Variants in KBTBD11 observed in about 807,000 individuals in gnomAD.
KBTBD11 encodes kelch repeat and BTB domain-containing protein 11.
For synonymous variants in KBTBD11, 747 were observed against 499.0 expected, an observed-to-expected ratio of 1.50 and a Z score of -6.63; for missense variants, 1,390 against 1,001.8, an observed-to-expected ratio of 1.39 and a Z score of -5.23.
rs1407537671 is a variant in KBTBD11, at chr8:2,004,005, A to T, written c.*941A>T. 6.0e-6 allele frequency: 1 copy of T among 166,486 alleles called. No homozygotes were observed. Among genetic ancestry groups the T allele is most frequent in the African/African-American group, 2.4e-5 (1 of 41,216 alleles). 10.3% of individuals were successfully genotyped at this position (166,486 alleles called of 1,614,324 possible). ...AATCATTTTGCTTTGACAGTTCTAT[A>T]AAAAAAAGTGTAGGCACATTTTAAA... On this transcript the variant is annotated 3_prime_UTR_variant, in exon 2 of 2. Transcript: ENST00000320248.
chr8:1,998,004 T>A (rs1817207992), intron 1 of KBTBD11, among the ~76,000 whole-genome samples: 1 of 152,230 alleles, frequency 6.6e-6, no homozygotes, highest in Non-Finnish European at 1.5e-5. Context: ...TGATTGAGTT[T>A]CATTATTTCT....
chr8:2,004,261 G>A lies in KBTBD11; in HGVS notation c.*1197G>A, dbSNP rs960400004. On this transcript the variant is annotated 3_prime_UTR_variant, in exon 2 of 2. Coordinates refer to ENST00000320248, the MANE Select transcript of KBTBD11 (RefSeq NM_014867.3). Reference sequence around the variant, plus strand: ...ACACGAGGCTCACTGCATTGACAGGGTATGAGGATTAAAAACAAATCAGTT... The same window carrying A: ...ACACGAGGCTCACTGCATTGACAGGATATGAGGATTAAAAACAAATCAGTT... 1 of 166,916 alleles carries A rather than the reference G, an allele frequency of 6.0e-6. No homozygotes were observed. Among genetic ancestry groups the A allele is most frequent in the Non-Finnish European group, 1.5e-5 (1 of 68,122 alleles). 10.3% of individuals were successfully genotyped at this position (166,916 alleles called of 1,614,324 possible). A position where few individuals can be genotyped will look rare whatever the true frequency, so the allele number is the denominator to read the frequency against.
intron 1 of KBTBD11, chr8:1,974,866 G>T: frequency 8.2e-6 from 2 of 245,184 alleles, no homozygotes; most frequent in Non-Finnish European, 1.3e-5. Context: ...AGTGCAGCGA[G>T]CTTTATTCTA....
intron 1 of KBTBD11, among the ~76,000 whole-genome samples, chr8:1,992,287 C>T (rs1816948149): frequency 6.6e-6 from 1 of 152,102 alleles, no homozygotes. Context: ...TGTGTGGTAA[C>T]TGATGTCACC....
Position 2,003,213 on chromosome 8 carries a change from G to C in KBTBD11, c.*149G>C. The C allele has an allele frequency of 8.4e-7, 1 of 1,189,530 alleles. No individual in the cohort carries two copies. Among genetic ancestry groups the C allele is most frequent in the Non-Finnish European group, 1.1e-6 (1 of 937,428 alleles). 73.7% of individuals were successfully genotyped at this position (1,189,530 alleles called of 1,614,324 possible). On this transcript the variant is annotated 3_prime_UTR_variant, in exon 2 of 2. Transcript: ENST00000320248. ...CGAAGGAGCCCCGAGGACGCTCTCA[G>C]GGCCGCTTTCGCTTTGCTTTCCTTT... is the stretch of plus-strand genomic sequence containing the variant.
At position 2,005,098 on chromosome 8, in the gene KBTBD11, G is replaced by C. The variant is rs1399624874; in HGVS notation, c.*2034G>C. The C allele has an allele frequency of 6.0e-6, 1 of 167,102 alleles. No homozygotes were observed. The highest frequency in any genetic ancestry group is 1.5e-5 in the Non-Finnish European group (1 of 68,130). 10.4% of individuals were successfully genotyped at this position (167,102 alleles called of 1,614,324 possible). A position where few individuals can be genotyped will look rare whatever the true frequency, so the allele number is the denominator to read the frequency against. On this transcript the variant is annotated 3_prime_UTR_variant, in exon 2 of 2. Coordinates refer to ENST00000320248, the MANE Select transcript of KBTBD11 (RefSeq NM_014867.3). ...GTCCCCGGAAAAGGATATGAGAAGT[G>C]GTGGATGTTGGATGGGGGTGGTTGC...
chr8:1,991,763 T>C (rs1334919565), intron 1 of KBTBD11, among the ~76,000 whole-genome samples: 1 of 151,786 alleles, frequency 6.6e-6, no homozygotes, highest in Non-Finnish European at 1.5e-5. Context: ...TGCCCACCGG[T>C]GAGTGGGCCT....
At chr8:1,992,096 C>G (rs968880141) in intron 1 of KBTBD11, among the ~76,000 whole-genome samples, 1 of 152,090 alleles carries the variant, frequency 6.6e-6, no homozygotes. Flanking sequence ...TGTTGCCACC[C>G]AGGACACGCA....
intron 1 of KBTBD11, among the ~76,000 whole-genome samples, chr8:1,997,820 C>T (rs1817199864): frequency 6.6e-6 from 1 of 152,232 alleles, no homozygotes; most frequent in African/African-American, 2.4e-5. Flanking sequence ...ATCCCCTGCT[C>T]TGCCAACTTG....
chr8:1,982,203 G>C lies in KBTBD11; in HGVS notation c.-909+8268G>C, dbSNP rs566146252. Among the ~76,000 whole-genome samples, 46 of 152,182 alleles carry C rather than the reference G, an allele frequency of 3.0e-4. 1 individual carries two copies. In the South Asian group the frequency reaches 8.5e-3, roughly 28 times the overall value. On this transcript the variant is annotated intron_variant, in intron 1 of 1. Coordinates refer to ENST00000320248, the MANE Select transcript of KBTBD11 (RefSeq NM_014867.3). ...TTAAAATAGACTGTTACAACTATAA[G>C]GTATTTTATGTAAGCCTCATGGTGA...
intron 1 of KBTBD11, among the ~76,000 whole-genome samples, chr8:1,976,766 A>G (rs893690153): frequency 6.6e-6 from 1 of 152,216 alleles, no homozygotes; most frequent in Non-Finnish European, 1.5e-5. Flanking sequence ...CCTTGAATGC[A>G]CGTAACAGAG....
chr8:2,002,689 C>A lies in KBTBD11; in HGVS notation c.1497C>A (p.Asp499Glu), dbSNP rs528137043. Residue 499 changes from aspartate to glutamate, a missense_variant, in exon 2 of 2, where the codon GAC (aspartate) becomes GAA (glutamate). Transcript: ENST00000320248. The surrounding 1 kb of genome is among the most constrained non-coding windows in gnomAD (Gnocchi z 4.1). The part of the protein sequence containing the change: ...RERSADMVAL[D>E]GFIYRFDLSG... Reference sequence around the variant, plus strand: ...GCTCGGCCGACATGGTGGCTCTCGACGGCTTCATCTACCGCTTCGATCTGA... The same window carrying A: ...GCTCGGCCGACATGGTGGCTCTCGAAGGCTTCATCTACCGCTTCGATCTGA... The A allele has an allele frequency of 2.6e-6, 4 of 1,557,816 alleles. No individual in the cohort carries two copies. The highest frequency in any genetic ancestry group is 1.8e-5 in the Admixed American group (1 of 54,314).
At chr8:1,976,126 G>C (rs1383218701) in intron 1 of KBTBD11, 1 of 152,194 alleles carries the variant, frequency 6.6e-6, no homozygotes, top group Non-Finnish European at 1.5e-5. Flanking sequence ...TGATCAAGGA[G>C]GACTGGTGTC....
intron 1 of KBTBD11, among the ~76,000 whole-genome samples, chr8:1,992,014 A>G (rs1045100805): frequency 4.6e-5 from 7 of 152,084 alleles, no homozygotes. Flanking sequence ...CATCTACCCA[A>G]GGGCCTTTAG....
At chr8:1,980,607 C>T (rs1315179021) in intron 1 of KBTBD11, among the ~76,000 whole-genome samples, 2 of 152,234 alleles carry the variant, frequency 1.3e-5, no homozygotes, top group African/African-American at 4.8e-5. Context: ...GGGGATGCCA[C>T]GTGCTTCTGC....
chr8:1,997,619 T>G (rs1221054022), intron 1 of KBTBD11, among the ~76,000 whole-genome samples: 1 of 152,232 alleles, frequency 6.6e-6, no homozygotes, highest in Non-Finnish European at 1.5e-5. Flanking sequence ...CCCGAGCCCC[T>G]GATGCAGCCT....
At chr8:1,993,492 T>TCA (rs1817004330) in intron 1 of KBTBD11, among the ~76,000 whole-genome samples, 1 of 32,614 alleles carries the variant, frequency 3.1e-5, no homozygotes, top group Non-Finnish European at 8.8e-5. Flanking sequence ...TATCCGTCCA[T>TCA]CCGTCCATCC....
Position 2,002,160 on chromosome 8 carries a change from G to A in KBTBD11, c.968G>A (p.Gly323Glu). Reference protein sequence around the residue: ...QSPSGDADARGDAAVYCFHAA... With the variant: ...QSPSGDADAREDAAVYCFHAA... The stretch of plus-strand genomic sequence containing the variant: ...CCCTCGGGGGACGCGGACGCGCGCG[G>A]GGACGCGGCCGTCTACTGCTTCCAC... The change falls in exon 2 of 2, where the codon GGG becomes GAG. Residue 323 changes from glycine to glutamate, a missense_variant. Transcript: ENST00000320248. The surrounding 1 kb of genome is among the most constrained non-coding windows in gnomAD (Gnocchi z 4.1). 1.7e-6 allele frequency: 2 copies of A among 1,195,976 alleles called. No homozygotes were observed. The highest frequency in any genetic ancestry group is 1.6e-5 in the African/African-American group (1 of 61,878). 74.1% of individuals were successfully genotyped at this position (1,195,976 alleles called of 1,614,324 possible).
At chr8:1,984,571 G>T (rs908260569) in intron 1 of KBTBD11, among the ~76,000 whole-genome samples, 2 of 152,072 alleles carry the variant, frequency 1.3e-5, no homozygotes, top group East Asian at 3.9e-4. Flanking sequence ...ACAGGCATGA[G>T]CCTCCACGCG....
Sources: gnomAD v4.1 joint callset for allele counts (sites outside exome capture counted in the v4.1 genomes callset) on GRCh38, gnomAD v4.1.1 for gene constraint, Gnocchi (gnomAD v3.1) non-coding constraint, MANE v1.5 for transcripts, NCBI Gene and HGNC (gene_info 2026-07-23, HGNC 2026-07-21) for gene names.